TEX11: variants seen among roughly 807,000 people sequenced by gnomAD.
TEX11 encodes testis expressed 11.
A neutral mutation model predicts 84.4 loss-of-function variants in TEX11; 7 were observed. The ratio of observed to expected loss-of-function variants is 0.08; its 90% CI spans 0.05 to 0.16. The LOEUF (loss-of-function observed/expected upper bound fraction) is 0.16. Ranked by LOEUF, TEX11 falls within the 10% of genes least tolerant of loss-of-function variation. The pLI is 1.00. For missense variants in TEX11, 551 were observed against 660.5 expected, an observed-to-expected ratio of 0.83 and a Z score of 1.82; for synonymous variants, 264 against 222.8, an observed-to-expected ratio of 1.18 and a Z score of -1.64.
At chrX:70,742,376 A>T (rs182654362) in intron 10 of TEX11, among the ~76,000 whole-genome samples, 40 of 108,361 alleles carry the variant, frequency 3.7e-4, no homozygotes, top group African/African-American at 1.3e-3. Flanking sequence ...TTATATATAA[A>T]TAATTTATTT....
intron 17 of TEX11, among the ~76,000 whole-genome samples, chrX:70,639,022 G>A (rs1317181602): frequency 9.1e-6 from 1 of 110,278 alleles, no homozygotes; most frequent in Non-Finnish European, 1.9e-5. Context: ...TGACTAGGGA[G>A]TGCCAGACAG....
intron 26 of TEX11, among the ~76,000 whole-genome samples, chrX:70,553,620 C>G (rs2088248929): frequency 9.1e-6 from 1 of 110,472 alleles, no homozygotes; most frequent in African/African-American, 3.3e-5. Context: ...GGTGGGATTA[C>G]CAGGTAACAT....
At chrX:70,587,486 G>A in intron 25 of TEX11, among the ~76,000 whole-genome samples, 1 of 112,787 alleles carries the variant, frequency 8.9e-6, no homozygotes, top group South Asian at 3.6e-4. Context: ...CCAAGCCTTG[G>A]TGGCTTTCAT....
At chrX:70,607,248 A>G (rs2089205222) in intron 22 of TEX11, among the ~76,000 whole-genome samples, 1 of 111,308 alleles carries the variant, frequency 9.0e-6, no homozygotes, top group Admixed American at 9.5e-5. Context: ...ACCAATGACC[A>G]AGGGAGGTAC....
intron 9 of TEX11, among the ~76,000 whole-genome samples, chrX:70,782,025 C>T (rs948527256): frequency 9.0e-6 from 1 of 111,224 alleles, no homozygotes; most frequent in African/African-American, 3.3e-5. Flanking sequence ...GTCAGATTCA[C>T]CAAGGTTGAA....
chrX:70,706,897 G>C (rs1384458490), intron 13 of TEX11, among the ~76,000 whole-genome samples: 1 of 110,881 alleles, frequency 9.0e-6, no homozygotes. Context: ...TATCCTATTT[G>C]GAAACCTTCA....
chrX:70,634,555 G>A (rs913080083), intron 17 of TEX11, among the ~76,000 whole-genome samples: 7 of 110,984 alleles, frequency 6.3e-5, no homozygotes, highest in South Asian at 3.9e-4. Flanking sequence ...TGGGAATAGC[G>A]TAAGGATGGA....
intron 11 of TEX11, among the ~76,000 whole-genome samples, chrX:70,729,641 A>G (rs893901227): frequency 1.8e-5 from 2 of 111,912 alleles, no homozygotes; most frequent in African/African-American, 6.5e-5. Flanking sequence ...AAAAGCCTCC[A>G]AGAAATATGG....
intron 13 of TEX11, among the ~76,000 whole-genome samples, chrX:70,712,449 A>G (rs2090446320): frequency 9.0e-6 from 1 of 110,925 alleles, no homozygotes; most frequent in Admixed American, 9.6e-5. Context: ...ATTTGTTTTT[A>G]TCCTCTTTTA....
In TEX11 at chrX:70,651,568, C is replaced by T; in HGVS notation, c.1381-16G>A. ...CCTCTTTGGCCTGGAAAGAAAAACACTGGGTCATTTTAATAAAATCTACAA... is the reference window on the plus strand; with the variant it reads ...CCTCTTTGGCCTGGAAAGAAAAACATTGGGTCATTTTAATAAAATCTACAA... On this transcript the variant is annotated splice_polypyrimidine_tract_variant and intron_variant, in intron 16 of 29. Coordinates refer to ENST00000374333, the MANE Select transcript of TEX11 (RefSeq NM_031276.3). 8.7e-7 allele frequency: 1 copy of T among 1,145,295 alleles called. No homozygotes were observed. The highest frequency in any genetic ancestry group is 1.2e-6 in the Non-Finnish European group (1 of 841,286). 94.4% of individuals were successfully genotyped at this position (1,145,295 alleles called of 1,213,427 possible). A position where few individuals can be genotyped will look rare whatever the true frequency, so the allele number is the denominator to read the frequency against.
chrX:70,684,869 T>G (rs1292613662), intron 13 of TEX11, among the ~76,000 whole-genome samples: 1 of 111,179 alleles, frequency 9.0e-6, no homozygotes, highest in Non-Finnish European at 1.9e-5. Context: ...AAAACAAAAT[T>G]GGAGGCATCA....
chrX:70,612,803 A>G (rs2089276728), intron 20 of TEX11, among the ~76,000 whole-genome samples: 1 of 111,663 alleles, frequency 9.0e-6, no homozygotes, highest in Non-Finnish European at 1.9e-5. Context: ...TTAATGTCAT[A>G]TATATCAAAT....
At chrX:70,563,358 G>T in intron 25 of TEX11, among the ~76,000 whole-genome samples, 1 of 112,032 alleles carries the variant, frequency 8.9e-6, no homozygotes, top group Non-Finnish European at 1.9e-5. Context: ...TTGGAAAATA[G>T]AACCTATTTC....
intron 20 of TEX11, among the ~76,000 whole-genome samples, chrX:70,612,988 G>C (rs752707377): frequency 9.7e-4 from 109 of 111,871 alleles, no homozygotes; most frequent in Middle Eastern, 4.7e-3. Flanking sequence ...TTCTACTTCT[G>C]CTCAGAAACC....
In TEX11 at chrX:70,625,024, C is replaced by G. The variant is rs1479759646; in HGVS notation, c.1609-100G>C. 6.9e-6 allele frequency: 4 copies of G among 582,923 alleles called. No homozygotes were observed. The African/African-American group carries it at 9.4e-5, about 14-fold the overall frequency. 48.0% of individuals were successfully genotyped at this position (582,923 alleles called of 1,213,427 possible). A position where few individuals can be genotyped will look rare whatever the true frequency, so the allele number is the denominator to read the frequency against. On this transcript the variant is annotated intron_variant, in intron 18 of 29. Coordinates refer to ENST00000374333, the MANE Select transcript of TEX11 (RefSeq NM_031276.3). ...ATTAAAGATAAGACAAATATCTAAACATGTTCATTTTGTATTCTCAAAAAC... is the reference window on the plus strand; with the variant it reads ...ATTAAAGATAAGACAAATATCTAAAGATGTTCATTTTGTATTCTCAAAAAC...
chrX:70,739,717 A>G (rs758030042), intron 11 of TEX11, among the ~76,000 whole-genome samples: 20 of 111,892 alleles, frequency 1.8e-4, no homozygotes, highest in Non-Finnish European at 3.6e-4. Flanking sequence ...GCCTGAATCT[A>G]TTTTTAAAGG....
At chrX:70,844,861 G>A (rs2091470073) in intron 7 of TEX11, among the ~76,000 whole-genome samples, 1 of 110,117 alleles carries the variant, frequency 9.1e-6, no homozygotes. Context: ...CTTGAACCCG[G>A]GAGGCAGAGG....
intron 14 of TEX11, among the ~76,000 whole-genome samples, chrX:70,679,825 A>G (rs1603216765): frequency 1.3e-5 from 1 of 78,876 alleles, no homozygotes; most frequent in African/African-American, 5.1e-5. Flanking sequence ...TCCGGGAGGG[A>G]GGTGGGAGGG....
intron 25 of TEX11, 149 bp downstream of exon 25, chrX:70,591,602 C>T (rs780313625): frequency 4.1e-5 from 18 of 443,858 alleles, no homozygotes; most frequent in South Asian, 3.2e-4. Flanking sequence ...GACCCTGACT[C>T]GAAAAAACAA....
Sources: gnomAD v4.1 joint callset for allele counts (sites outside exome capture counted in the v4.1 genomes callset) on GRCh38, gnomAD v4.1.1 for gene constraint, MANE v1.5 for transcripts, NCBI Gene and HGNC (gene_info 2026-07-23, HGNC 2026-07-21) for gene names.